The following SDK1 variants were observed in gnomAD, a reference collection of about 807,000 sequenced individuals.
The protein encoded by SDK1 is sidekick cell adhesion molecule 1.
In SDK1, 157 loss-of-function variants were observed where a neutral mutation model predicts 245.5. The ratio of observed to expected loss-of-function variants is 0.64; its 90% CI spans 0.56 to 0.73. SDK1 has a LOEUF of 0.73. Ranked by LOEUF, SDK1 falls within the 30% of genes least tolerant of loss-of-function variation. The pLI, the probability that SDK1 is intolerant of heterozygous loss-of-function variation, is 0.00. For missense variants in SDK1, 3,583 were observed against 3,002.3 expected (o/e 1.19, Z -4.52); for synonymous variants, 1,647 against 1,278.5 (o/e 1.29, Z -6.15).
In SDK1 at chr7:4,260,121, C is replaced by T. The variant is rs573137204; in HGVS notation, c.6382-5003C>T. On this transcript the variant is annotated intron_variant, in intron 44 of 44. Transcript: ENST00000404826. ...GTGTGTGGGAAGATGTGTTCATCGT[C>T]ACCTGATGGAGAAGCTGGCTGCTCC... Among the ~76,000 whole-genome samples the T allele has an allele frequency of 9.4e-4, 143 of 151,796 alleles. 1 individual carries two copies. Among genetic ancestry groups the T allele is most frequent in the African/African-American group, 3.4e-3 (140 of 41,278 alleles).
intron 4 of SDK1, among the ~76,000 whole-genome samples, chr7:3,737,044 C>G (rs1484936222): frequency 2.6e-5 from 4 of 152,222 alleles, no homozygotes; most frequent in Non-Finnish European, 2.9e-5. Context: ...TCTGATTCCA[C>G]TCAGGAGAAT....
chr7:4,214,777 C>T (rs1355643845), intron 38 of SDK1, among the ~76,000 whole-genome samples: 1 of 152,220 alleles, frequency 6.6e-6, no homozygotes, highest in Non-Finnish European at 1.5e-5. Context: ...AGCCCCCACC[C>T]AATGGCCTTA....
chr7:3,403,400 T>G (rs1242220551), intron 1 of SDK1, among the ~76,000 whole-genome samples: 1 of 152,172 alleles, frequency 6.6e-6, no homozygotes, highest in African/African-American at 2.4e-5. Context: ...TAGTTATTAT[T>G]GCTCATTTAA....
intron 4 of SDK1, among the ~76,000 whole-genome samples, chr7:3,796,901 A>C (rs988632845): frequency 6.6e-6 from 1 of 152,166 alleles, no homozygotes; most frequent in Non-Finnish European, 1.5e-5. Flanking sequence ...AAGTAAGTTC[A>C]AATGTAGCAA....
intron 4 of SDK1, among the ~76,000 whole-genome samples, chr7:3,763,128 T>C (rs1780155399): frequency 6.6e-6 from 1 of 152,198 alleles, no homozygotes; most frequent in Non-Finnish European, 1.5e-5. Context: ...AAGCCATAAA[T>C]TTCTTTTTCT....
chr7:3,335,376 C>G (rs941334445), intron 1 of SDK1, among the ~76,000 whole-genome samples: 1 of 151,934 alleles, frequency 6.6e-6, no homozygotes, highest in Non-Finnish European at 1.5e-5. Flanking sequence ...TTTAAAACAA[C>G]TGCTTTATTA....
intron 1 of SDK1, among the ~76,000 whole-genome samples, chr7:3,591,161 A>G (rs760938895): frequency 3.3e-5 from 5 of 152,214 alleles, no homozygotes; most frequent in Non-Finnish European, 5.9e-5. Flanking sequence ...GGCAGCTCCT[A>G]TCAACCTGTA....
At position 4,056,857 on chromosome 7, in the gene SDK1, G is replaced by A. The variant is rs970463414; in HGVS notation, c.2911+5027G>A. ...GGGTCCCGACAGACCATTCTGCTCC[G>A]GGTCCCGACAGACCATTCCGCCCCG... On this transcript the variant is annotated intron_variant, in intron 19 of 44. Transcript: ENST00000404826. Among the ~76,000 whole-genome samples the A allele has an allele frequency of 5.8e-5, 8 of 138,194 alleles. 1 individual carries two copies. The East Asian group carries it at 5.8e-4, about 10-fold the overall frequency. The allele number at this position is 138,194 out of a possible 152,430, so 90.7% of individuals were successfully genotyped here.
At chr7:4,165,486 A>G (rs1276785941) in intron 32 of SDK1, among the ~76,000 whole-genome samples, 1 of 152,048 alleles carries the variant, frequency 6.6e-6, no homozygotes, top group Non-Finnish European at 1.5e-5. Flanking sequence ...CTTTCATGGG[A>G]TCCAGTTCTG....
At chr7:4,094,063 T>C (rs1054733177) in intron 22 of SDK1, among the ~76,000 whole-genome samples, 14 of 152,020 alleles carry the variant, frequency 9.2e-5, no homozygotes, top group African/African-American at 3.4e-4. Context: ...TTTTGTGTTT[T>C]TTGCTTTTTT....
At chr7:3,638,730 C>T (rs1215311094) in intron 2 of SDK1, among the ~76,000 whole-genome samples, 2 of 150,252 alleles carry the variant, frequency 1.3e-5, no homozygotes, top group Admixed American at 6.6e-5. Flanking sequence ...CACATGTATA[C>T]ATATGTAACT....
At chr7:3,352,583 G>A (rs1372864334) in intron 1 of SDK1, among the ~76,000 whole-genome samples, 2 of 152,112 alleles carry the variant, frequency 1.3e-5, no homozygotes, top group African/African-American at 4.8e-5. Flanking sequence ...GGAAATTTGA[G>A]GCTCAGACAA....
intron 22 of SDK1, among the ~76,000 whole-genome samples, chr7:4,086,313 C>A (rs1562789012): frequency 6.6e-6 from 1 of 152,126 alleles, no homozygotes; most frequent in Non-Finnish European, 1.5e-5. Flanking sequence ...AACAAATCAC[C>A]AAAAACTGAG....
At chr7:4,104,946 A>G (rs138679203) in intron 22 of SDK1, among the ~76,000 whole-genome samples, 1,550 of 151,796 alleles carry the variant, frequency 0.01, 34 homozygotes, top group African/African-American at 0.036. Flanking sequence ...GGCTCAAGAG[A>G]TCCTCCTGCC....
rs370541466 is a variant in SDK1, at chr7:3,619,159, C to G, written c.378C>G (p.Cys126Trp). ...HLEGNRLVLT[C>W]LAEGSWPLEF... Reference sequence around the variant, plus strand: ...AAGGGAACCGCCTTGTTCTCACCTGCCTTGCCGAAGGGAGCTGGCCTTTGG... The same window carrying G: ...AAGGGAACCGCCTTGTTCTCACCTGGCTTGCCGAAGGGAGCTGGCCTTTGG... The change falls in exon 2 of 45, where the codon TGC (cysteine) becomes TGG (tryptophan). Residue 126 changes from cysteine (C) to tryptophan (W), a missense_variant. Transcript: ENST00000404826. 4 of 1,613,732 alleles carry G rather than the reference C, an allele frequency of 2.5e-6. No individual in the cohort carries two copies. The Admixed American group carries it at 6.7e-5, about 27-fold the overall frequency.
At chr7:3,398,880 G>C (rs1162456351) in intron 1 of SDK1, among the ~76,000 whole-genome samples, 1 of 151,188 alleles carries the variant, frequency 6.6e-6, no homozygotes, top group African/African-American at 2.4e-5. Context: ...CTCCTAGTAA[G>C]CTGTGATTTT....
intron 1 of SDK1, among the ~76,000 whole-genome samples, chr7:3,599,187 T>G (rs543780637): frequency 6.6e-6 from 1 of 150,834 alleles, no homozygotes; most frequent in South Asian, 2.1e-4. Context: ...CAGTGATATC[T>G]CATGGTGGTT....
intron 5 of SDK1, among the ~76,000 whole-genome samples, chr7:3,887,205 C>A (rs1370296748): frequency 6.6e-6 from 1 of 152,102 alleles, no homozygotes; most frequent in Non-Finnish European, 1.5e-5. Flanking sequence ...GCTCCCCTAT[C>A]TGAAGCTCAG....
chr7:4,109,366 A>G (rs1405852839), intron 22 of SDK1, among the ~76,000 whole-genome samples: 2 of 152,144 alleles, frequency 1.3e-5, no homozygotes, highest in Non-Finnish European at 2.9e-5. Context: ...CCAGTTTACC[A>G]AGGTCATTTT....
Sources: gnomAD v4.1 joint callset for allele counts (sites outside exome capture counted in the v4.1 genomes callset) on GRCh38, gnomAD v4.1.1 for gene constraint, MANE v1.5 for transcripts, NCBI Gene and HGNC (gene_info 2026-07-23, HGNC 2026-07-21) for gene names.